PPARGC1A: variants seen among roughly 807,000 people sequenced by gnomAD.
PPARGC1A encodes the protein PPARG coactivator 1 alpha.
Under a neutral mutation model 88.7 loss-of-function variants are expected in PPARGC1A, and 25 were observed. The ratio of observed to expected loss-of-function variants is 0.28; its 90% CI spans 0.21 to 0.39. The LOEUF (loss-of-function observed/expected upper bound fraction) is 0.39. Ranked by LOEUF, PPARGC1A falls within the 10% of genes least tolerant of loss-of-function variation. The pLI, the probability that PPARGC1A is intolerant of heterozygous loss-of-function variation, is 1.00. For synonymous variants in PPARGC1A, 363 were observed against 355.6 expected (o/e 1.02, Z -0.24); for missense variants, 880 against 968.7 (o/e 0.91, Z 1.22).
At chr4:23,890,591 C>T (rs1223521079), upstream of PPARGC1A, among the ~76,000 whole-genome samples, 1 of 136,932 alleles carries the variant, frequency 7.3e-6, no homozygotes, top group Non-Finnish European at 1.5e-5. Flanking sequence ...TGTTTGAAAG[C>T]GCAAACGGGG....
the PPARGC1A span, among the ~76,000 whole-genome samples, chr4:23,990,177 C>T: frequency 1.4e-5 from 2 of 146,330 alleles, no homozygotes; most frequent in African/African-American, 5.0e-5. Context: ...ACGCATATTC[C>T]AATCCTTGGT....
chr4:23,958,705 T>C, the PPARGC1A span, among the ~76,000 whole-genome samples: 1 of 152,094 alleles, frequency 6.6e-6, no homozygotes, highest in Admixed American at 6.6e-5. Context: ...ATTTATACCA[T>C]AATATTTATA....
the PPARGC1A span, among the ~76,000 whole-genome samples, chr4:24,051,187 C>CAAAA: frequency 3.5e-3 from 202 of 58,444 alleles, 10 homozygotes; most frequent in African/African-American, 8.3e-3. Flanking sequence ...GACTCTGTCT[C>CAAAA]AAAAAAAAAA....
At chr4:24,470,843 C>A in the PPARGC1A span, among the ~76,000 whole-genome samples, 8 of 151,810 alleles carry the variant, frequency 5.3e-5, no homozygotes, top group Non-Finnish European at 1.2e-4. The surrounding 1 kb of genome is among the most constrained non-coding windows in gnomAD (Gnocchi z 5.8). Context: ...ATGGCCGCAG[C>A]GCTTTCTGGA....
At chr4:24,461,094 T>C in the PPARGC1A span, among the ~76,000 whole-genome samples, 138 of 152,182 alleles carry the variant, frequency 9.1e-4, 1 homozygote, top group African/African-American at 3.2e-3. Flanking sequence ...TGGCTAAATG[T>C]TTTTATTTGT....
intron 2 of PPARGC1A, among the ~76,000 whole-genome samples, chr4:23,847,357 G>A (rs1263891419): frequency 6.6e-6 from 1 of 152,092 alleles, no homozygotes; most frequent in African/African-American, 2.4e-5. Context: ...CCCCTTGACC[G>A]AAGGAGTCTT....
chr4:24,431,312 G>A, the PPARGC1A span, among the ~76,000 whole-genome samples: 1 of 152,082 alleles, frequency 6.6e-6, no homozygotes, highest in African/African-American at 2.4e-5. Context: ...AGAACACAGA[G>A]AATAGAACAT....
the PPARGC1A span, among the ~76,000 whole-genome samples, chr4:24,066,533 A>G: frequency 6.4e-3 from 977 of 152,230 alleles, 3 homozygotes; most frequent in Non-Finnish European, 0.011. Flanking sequence ...TGTCACAAGA[A>G]TATTAGTTAG....
At chr4:24,023,617 A>T in the PPARGC1A span, among the ~76,000 whole-genome samples, 1 of 152,224 alleles carries the variant, frequency 6.6e-6, no homozygotes, top group Non-Finnish European at 1.5e-5. Context: ...TGACACTTAA[A>T]ATAGAGATAA....
intron 10 of PPARGC1A, among the ~76,000 whole-genome samples, chr4:23,804,667 C>T (rs1719440749): frequency 6.6e-6 from 1 of 152,156 alleles, no homozygotes; most frequent in Admixed American, 6.6e-5. Flanking sequence ...GGCTTTATCT[C>T]TTATATCGCA....
the PPARGC1A span, among the ~76,000 whole-genome samples, chr4:24,402,177 C>G: frequency 1.3e-5 from 2 of 152,166 alleles, no homozygotes; most frequent in Non-Finnish European, 2.9e-5. Flanking sequence ...TACCCCACTC[C>G]GTAACCTGCC....
the PPARGC1A span, among the ~76,000 whole-genome samples, chr4:23,913,267 T>TATATATATATAGAG: frequency 2.6e-5 from 2 of 77,506 alleles, no homozygotes; most frequent in African/African-American, 1.1e-4. Flanking sequence ...TATATATATA[T>TATATATATATAGAG]AGAGAGAGAG....
the PPARGC1A span, among the ~76,000 whole-genome samples, chr4:24,059,386 C>T: frequency 6.6e-6 from 1 of 152,174 alleles, no homozygotes; most frequent in African/African-American, 2.4e-5. Context: ...GATTAATGCT[C>T]ACCCAAGTGT....
the PPARGC1A span, among the ~76,000 whole-genome samples, chr4:24,091,928 T>TACACACACACACAC: frequency 0.062 from 9,168 of 147,734 alleles, 327 homozygotes; most frequent in East Asian, 0.16. Context: ...CTTGCCCCAA[T>TACACACACACACAC]ACACACACAC....
chr4:23,870,356 T>C (rs1288755005), intron 2 of PPARGC1A, among the ~76,000 whole-genome samples: 1 of 152,232 alleles, frequency 6.6e-6, no homozygotes, highest in Non-Finnish European at 1.5e-5. Flanking sequence ...TATTGCAAAA[T>C]GACTGTATGG....
chr4:24,377,198 A>G, the PPARGC1A span, among the ~76,000 whole-genome samples: 1 of 152,152 alleles, frequency 6.6e-6, no homozygotes, highest in Non-Finnish European at 1.5e-5. Flanking sequence ...GGGGAAAAAA[A>G]GAAAGATTTC....
rs1717414919 is a variant in PPARGC1A at position 23,795,468 on chromosome 4, T to G, written c.*354A>C. ...AGTCCTCACATGTACCCACACATACTTCCCCTAAACCAAGCACACACACCA... is the reference window on the plus strand; with the variant it reads ...AGTCCTCACATGTACCCACACATACGTCCCCTAAACCAAGCACACACACCA... On this transcript the variant is annotated 3_prime_UTR_variant, in exon 13 of 13. Coordinates refer to ENST00000264867, the MANE Select transcript of PPARGC1A (RefSeq NM_013261.5). 1 of 178,074 alleles carries G rather than the reference T, an allele frequency of 5.6e-6. No homozygotes were observed. Among genetic ancestry groups the G allele is most frequent in the African/African-American group, 2.4e-5 (1 of 41,476 alleles). 11.0% of individuals were successfully genotyped at this position (178,074 alleles called of 1,614,324 possible).
At chr4:24,458,077 T>C in the PPARGC1A span, among the ~76,000 whole-genome samples, 1 of 152,218 alleles carries the variant, frequency 6.6e-6, no homozygotes, top group Non-Finnish European at 1.5e-5. Flanking sequence ...TGACCAACAT[T>C]TGGTTCTAGC....
chr4:24,286,946 G>T, the PPARGC1A span, among the ~76,000 whole-genome samples: 1 of 152,102 alleles, frequency 6.6e-6, no homozygotes, highest in Non-Finnish European at 1.5e-5. Context: ...GCTTCCCCAA[G>T]AGAAAGAGAT....
Sources: allele counts gnomAD v4.1 joint callset (sites outside exome capture counted in the v4.1 genomes callset), GRCh38; gene constraint gnomAD v4.1.1; non-coding constraint Gnocchi (gnomAD v3.1); transcripts MANE v1.5; gene names NCBI Gene and HGNC (gene_info 2026-07-23, HGNC 2026-07-21).